Variants in LRP4 observed in about 807,000 individuals in gnomAD.
LRP4 encodes the protein LDL receptor related protein 4.
LRP4 carries 95 observed loss-of-function variants against 220.3 expected under a neutral mutation model. That is an observed-to-expected ratio of 0.43 (90% CI 0.37 to 0.51). The LOEUF is 0.51. LRP4 is among the 20% of genes least tolerant of loss of function. The probability of loss-of-function intolerance (pLI) is 0.00; values close to 1 mark genes in which losing one functional copy is unlikely to be tolerated. For synonymous variants in LRP4, 903 were observed against 954.6 expected (o/e 0.95, Z 1.00); for missense variants, 1,925 against 2,567.0 (o/e 0.75, Z 5.40).
intron 13 of LRP4, among the ~76,000 whole-genome samples, chr11:46,892,229 G>A (rs776738776): frequency 1.9e-4 from 29 of 152,032 alleles, no homozygotes; most frequent in Non-Finnish European, 2.8e-4. Flanking sequence ...CACTGTGCCC[G>A]GCCCCTCTAT....
At chr11:46,900,945 C>T (rs895406196) in intron 2 of LRP4, among the ~76,000 whole-genome samples, 5 of 152,096 alleles carry the variant, frequency 3.3e-5, no homozygotes, top group African/African-American at 1.2e-4. Context: ...CGCTGCCACA[C>T]CCAGCTATCT....
In LRP4 at chr11:46,873,142, A is replaced by T. The variant is rs1940914142; in HGVS notation, c.4541T>A (p.Leu1514Gln). The change falls in exon 30 of 38, where the codon CTG becomes CAG. Residue 1514 changes from leucine (L) to glutamine (Q), a missense_variant. This residue lies in a region of LRP4 where 1,244 missense variants were observed against 1,624.9 expected (regional missense o/e 0.77). Transcript: ENST00000378623. The surrounding 1 kb of genome is among the most constrained non-coding windows in gnomAD (Gnocchi z 4.2). ...SERKVLINTD[L>Q]GWPNGLTLDY... Reference sequence around the variant, plus strand: ...CAGGGTAAGGCCATTGGGCCAACCCAGGTCTGTGTTGATGAGGACCTTCCG... The same window carrying T: ...CAGGGTAAGGCCATTGGGCCAACCCTGGTCTGTGTTGATGAGGACCTTCCG... 2.5e-6 allele frequency: 4 copies of T among 1,614,228 alleles called. No individual in the cohort carries two copies. Among genetic ancestry groups the T allele is most frequent in the Non-Finnish European group, 2.5e-6 (3 of 1,180,036 alleles).
intron 19 of LRP4, 69 bp downstream of exon 19, chr11:46,883,802 A>C: frequency 8.3e-7 from 1 of 1,204,208 alleles, no homozygotes; most frequent in Non-Finnish European, 1.2e-6. Flanking sequence ...CCTAATCTTT[A>C]GACTCCTCTC....
Position 46,889,963 on chromosome 11 carries a change from G to T in LRP4, c.2073C>A (p.His691Gln). Residue 691 changes from histidine to glutamine, a missense_variant, in exon 15 of 38, where the codon CAC becomes CAA. Coordinates refer to ENST00000378623, the MANE Select transcript of LRP4 (RefSeq NM_002334.4). ...LHFPMDIHTL[H>Q]PQRQPAGKNR... ...TTTTACCTGCAGGTTGGCGCTGGGG[G>T]TGCAAGGTGTGGATGTCCATAGGGA... 1 of 1,614,188 alleles carries T rather than the reference G, an allele frequency of 6.2e-7. No individual in the cohort carries two copies. Among genetic ancestry groups the T allele is most frequent in the East Asian group, 2.2e-5 (1 of 44,880 alleles).
intron 13 of LRP4, among the ~76,000 whole-genome samples, chr11:46,891,480 C>T (rs189662772): frequency 7.3e-6 from 1 of 137,586 alleles, no homozygotes; most frequent in African/African-American, 3.6e-5. Flanking sequence ...CACACACATA[C>T]ACACACACAG....
rs542788428 is a variant in LRP4, at chr11:46,866,898, C to G, written c.5087+1081G>C. On this transcript the variant is annotated intron_variant, in intron 34 of 37. Transcript: ENST00000378623. Reference sequence around the variant, plus strand: ...CTGTGTTCATGCTACTGCACTCCAGCCTGGGTGACAGAGTGAGATCCTGTC... The same window carrying G: ...CTGTGTTCATGCTACTGCACTCCAGGCTGGGTGACAGAGTGAGATCCTGTC... Among the ~76,000 whole-genome samples, 3 of 151,692 alleles carry G rather than the reference C, an allele frequency of 2.0e-5. No homozygotes were observed. In the South Asian group the frequency reaches 6.3e-4, roughly 32 times the overall value.
rs1284369076 is a variant in LRP4, at chr11:46,889,392, G to C, written c.2215+19C>G. The C allele has an allele frequency of 6.2e-7, 1 of 1,613,580 alleles. No homozygotes were observed. Among genetic ancestry groups the C allele is most frequent in the Non-Finnish European group, 8.5e-7 (1 of 1,179,944 alleles). On this transcript the variant is annotated intron_variant, in intron 16 of 37. Coordinates refer to ENST00000378623, the MANE Select transcript of LRP4 (RefSeq NM_002334.4). ...CTCACAACAGCCTCCATGGAGGCTG[G>C]TGTTGCAGACCCACTTACTCTGGGC...
chr11:46,877,216 C>T lies in LRP4; in HGVS notation c.3260G>A (p.Gly1087Glu), dbSNP rs1190250171. 2 of 1,613,754 alleles carry T rather than the reference C, an allele frequency of 1.2e-6. No homozygotes were observed. Among genetic ancestry groups the T allele is most frequent in the Non-Finnish European group, 1.7e-6 (2 of 1,179,862 alleles). ...NITMKNTIAIGVDPQEGKVYW... is the reference protein window; with the variant it reads ...NITMKNTIAIEVDPQEGKVYW... Reference sequence around the variant, plus strand: ...ATACAGACCTTCCTGGGGGTCTACTCCAATGGCAATGGTGTTCTTCATGGT... The same window carrying T: ...ATACAGACCTTCCTGGGGGTCTACTTCAATGGCAATGGTGTTCTTCATGGT... The change falls in exon 23 of 38, where the codon GGA (glycine) becomes GAA (glutamate). Residue 1087 changes from glycine (G) to glutamate (E), a missense_variant. Physicochemically the swap from Gly to Glu is moderately conservative, Grantham distance 98 (BLOSUM62 -2). Coordinates refer to ENST00000378623, the MANE Select transcript of LRP4 (RefSeq NM_002334.4).
intron 31 of LRP4, among the ~76,000 whole-genome samples, chr11:46,870,423 T>C (rs2134781399): frequency 6.6e-6 from 1 of 152,346 alleles, no homozygotes; most frequent in South Asian, 2.1e-4. Flanking sequence ...TCTGTCTCTC[T>C]TTCTCTGACT....
chr11:46,903,783 C>T (rs986152305), intron 1 of LRP4, among the ~76,000 whole-genome samples: 6 of 152,084 alleles, frequency 3.9e-5, no homozygotes, highest in Non-Finnish European at 1.5e-5. Context: ...CTCTGAGTCC[C>T]CCAGGCCACC....
At chr11:46,872,466 G>C (rs1940896067) in intron 30 of LRP4, among the ~76,000 whole-genome samples, 1 of 152,072 alleles carries the variant, frequency 6.6e-6, no homozygotes, top group Non-Finnish European at 1.5e-5. Context: ...AGCCTGGGTC[G>C]GGCGTGGTGG....
intron 10 of LRP4, 35 bp downstream of exon 10, chr11:46,895,849 A>ACC (rs765184468): frequency 1.2e-6 from 2 of 1,606,966 alleles, no homozygotes; most frequent in Non-Finnish European, 8.5e-7. Context: ...CCTGCTCAGA[A>ACC]CCCCGACTCT....
At position 46,868,082 on chromosome 11, in the gene LRP4, T is replaced by C; in HGVS notation, c.4984A>G (p.Thr1662Ala). Residue 1662 changes from threonine to alanine, a missense_variant, in exon 34 of 38, where the codon ACT (threonine) becomes GCT (alanine). Physicochemically the swap from Thr to Ala is moderately conservative, Grantham distance 58 (BLOSUM62 0). This residue lies in a region of LRP4 where 1,244 missense variants were observed against 1,624.9 expected (regional missense o/e 0.77). Transcript: ENST00000378623. ...PGLVPPAPRA[T>A]GMSEKSPVLP... ...ACTGGGCTCTTTTCACTCATGCCAG[T>C]AGCCCTAGGAGCTGGTGGTACCAGG... 1 of 1,614,142 alleles carries C rather than the reference T, an allele frequency of 6.2e-7. No homozygotes were observed. The highest frequency in any genetic ancestry group is 8.5e-7 in the Non-Finnish European group (1 of 1,180,030).
chr11:46,876,440 C>T (rs200735860), intron 25 of LRP4, 26 bp downstream of exon 25: 16 of 1,613,464 alleles, frequency 9.9e-6, no homozygotes, highest in Middle Eastern at 1.6e-4. Flanking sequence ...CCCCACACTA[C>T]CCAGTGCGAT....
chr11:46,907,980 G>C (rs1941789473), intron 1 of LRP4, among the ~76,000 whole-genome samples: 1 of 151,920 alleles, frequency 6.6e-6, no homozygotes. Flanking sequence ...TGTTGCCCAG[G>C]CTGGAGTGCA....
chr11:46,862,192 G>A (rs1451491488), intron 37 of LRP4, among the ~76,000 whole-genome samples: 1 of 152,150 alleles, frequency 6.6e-6, no homozygotes, highest in Non-Finnish European at 1.5e-5. Context: ...TACTAGCTTG[G>A]ACTGGAGGTT....
rs951105538 is a variant in LRP4 at position 46,918,214 on chromosome 11, G to A, written c.52+114C>T. On this transcript the variant is annotated intron_variant, in intron 1 of 37. Coordinates refer to ENST00000378623, the MANE Select transcript of LRP4 (RefSeq NM_002334.4). The surrounding 1 kb of genome is among the most constrained non-coding windows in gnomAD (Gnocchi z 6.0). ...CCCTGCACGCAGCCCCAGGGCCACG[G>A]CTAGGAGCGAGGGCGAGGGGTCTCA... The A allele has an allele frequency of 1.7e-5, 20 of 1,185,092 alleles. No individual in the cohort carries two copies. In the East Asian group the frequency reaches 2.7e-4, roughly 16 times the overall value. The allele number at this position is 1,185,092 out of a possible 1,614,324, so 73.4% of individuals were successfully genotyped here. A position where few individuals can be genotyped will look rare whatever the true frequency, so the allele number is the denominator to read the frequency against.
Position 46,868,108 on chromosome 11 carries a change from C to A in LRP4, c.4958G>T (p.Gly1653Val). ...PDSRPCSLVPGLVPPAPRATG... is the reference protein window; with the variant it reads ...PDSRPCSLVPVLVPPAPRATG... ...AGCCCTAGGAGCTGGTGGTACCAGG[C>A]CAGGCACTAGACAAAAAAGAGGATT... The change falls in exon 34 of 38, where the codon GGC (glycine) becomes GTC (valine). Residue 1653 changes from glycine (G) to valine (V), a missense_variant. Gly to Val is a moderately radical substitution (Grantham distance 109, BLOSUM62 -3). Transcript: ENST00000378623. 6.2e-7 allele frequency: 1 copy of A among 1,614,060 alleles called. No individual in the cohort carries two copies. Among genetic ancestry groups the A allele is most frequent in the South Asian group, 1.1e-5 (1 of 91,078 alleles).
Position 46,918,296 on chromosome 11 carries a change from AG to A in LRP4, c.52+31del. ...GGCGAGTCCTGCAGCGGCCGGACCC[AG>A]GGACAAACTTTCCCGGCGGGCGCCG... On this transcript the variant is annotated intron_variant, in intron 1 of 37. Coordinates refer to ENST00000378623, the MANE Select transcript of LRP4 (RefSeq NM_002334.4). The surrounding 1 kb of genome is among the most constrained non-coding windows in gnomAD (Gnocchi z 6.0). 6.6e-7 allele frequency: 1 copy of A among 1,509,294 alleles called. No individual in the cohort carries two copies. 93.5% of individuals were successfully genotyped at this position (1,509,294 alleles called of 1,614,324 possible). A position where few individuals can be genotyped will look rare whatever the true frequency, so the allele number is the denominator to read the frequency against.
Sources: allele counts gnomAD v4.1 joint callset (sites outside exome capture counted in the v4.1 genomes callset), GRCh38; gene constraint gnomAD v4.1.1; regional missense constraint gnomAD v4.1.1; non-coding constraint Gnocchi (gnomAD v3.1); transcripts MANE v1.5; gene names NCBI Gene and HGNC (gene_info 2026-07-23, HGNC 2026-07-21).